The following SLC9A9 variants were observed in gnomAD, a reference collection of about 807,000 sequenced individuals.
The protein encoded by SLC9A9 is sodium/hydrogen exchanger 9.
SLC9A9 carries 62 observed loss-of-function variants against 77.8 expected under a neutral mutation model. That is an observed-to-expected ratio of 0.80 (90% CI 0.65 to 0.98). SLC9A9 has a LOEUF of 0.98. Ranked by LOEUF, SLC9A9 falls within the 50% of genes least tolerant of loss-of-function variation. SLC9A9 has a pLI of 0.00. For synonymous variants in SLC9A9, 320 were observed against 283.5 expected, an observed-to-expected ratio of 1.13 and a Z score of -1.29; for missense variants, 775 against 774.9, an observed-to-expected ratio of 1.00 and a Z score of 0.00.
intron 6 of SLC9A9, among the ~76,000 whole-genome samples, chr3:143,592,082 C>A: frequency 6.6e-6 from 1 of 152,104 alleles, no homozygotes. Flanking sequence ...GGTCCATGAC[C>A]CCCCAAAAGG....
intron 4 of SLC9A9, among the ~76,000 whole-genome samples, chr3:143,737,224 T>A (rs1934961435): frequency 1.3e-5 from 2 of 152,192 alleles, no homozygotes; most frequent in African/African-American, 4.8e-5. Flanking sequence ...TTAACTGGAA[T>A]TTTCTCTTTT....
At chr3:143,839,672 T>C (rs2009659740) in intron 1 of SLC9A9, among the ~76,000 whole-genome samples, 1 of 152,196 alleles carries the variant, frequency 6.6e-6, no homozygotes, top group East Asian at 1.9e-4. Flanking sequence ...CTGGGATTTC[T>C]AACAGTATAA....
chr3:143,655,411 G>A (rs2038871753), intron 5 of SLC9A9: 2 of 927,862 alleles, frequency 2.2e-6, no homozygotes, highest in Admixed American at 6.2e-5. Context: ...GACATCGTGT[G>A]GATAGGAAGG....
At chr3:143,331,250 G>C (rs1322010385) in intron 14 of SLC9A9, among the ~76,000 whole-genome samples, 1 of 152,218 alleles carries the variant, frequency 6.6e-6, no homozygotes, top group Non-Finnish European at 1.5e-5. Context: ...AGAGGGTTAT[G>C]AGGGGCTGGT....
At chr3:143,606,207 C>A (rs2037919098) in intron 6 of SLC9A9, among the ~76,000 whole-genome samples, 1 of 151,912 alleles carries the variant, frequency 6.6e-6, no homozygotes, top group African/African-American at 2.4e-5. Flanking sequence ...GAGTTCGATA[C>A]CAGCCTGGCC....
intron 4 of SLC9A9, among the ~76,000 whole-genome samples, chr3:143,790,442 A>G (rs928531083): frequency 2.6e-5 from 4 of 152,254 alleles, no homozygotes; most frequent in Non-Finnish European, 4.4e-5. Context: ...ATTTCTAGCC[A>G]TAATGATAAA....
intron 12 of SLC9A9, among the ~76,000 whole-genome samples, chr3:143,441,829 C>T (rs1043200360): frequency 7.0e-6 from 1 of 143,796 alleles, no homozygotes; most frequent in Non-Finnish European, 1.6e-5. Context: ...GTGTCATTTA[C>T]TCATTCATCC....
Position 143,376,801 on chromosome 3 carries a change from GTTTAT to G in SLC9A9, c.1524+5254_1524+5258del, listed in dbSNP as rs1330019071. Among the ~76,000 whole-genome samples the G allele has an allele frequency of 4.6e-5, 7 of 152,264 alleles. No individual in the cohort carries two copies. The East Asian group carries it at 1.4e-3, about 29-fold the overall frequency. Reference sequence around the variant, plus strand: ...AAACCCAAGATATTTTCTCTGAAATGTTTATTTTATTTTTCTCAAAATACCATTAG... The same window carrying G: ...AAACCCAAGATATTTTCTCTGAAATGTTTATTTTTCTCAAAATACCATTAG... On this transcript the variant is annotated intron_variant, in intron 13 of 15. Transcript: ENST00000316549.
intron 13 of SLC9A9, among the ~76,000 whole-genome samples, chr3:143,373,509 A>AC (rs2033103085): frequency 6.7e-6 from 1 of 150,268 alleles, no homozygotes; most frequent in Non-Finnish European, 1.5e-5. Context: ...CATGTATACC[A>AC]CTCCAGTGAT....
intron 2 of SLC9A9, among the ~76,000 whole-genome samples, chr3:143,814,740 C>G (rs2008960487): frequency 6.6e-6 from 1 of 152,146 alleles, no homozygotes; most frequent in African/African-American, 2.4e-5. Context: ...GAGAGAATGG[C>G]TGGGGAGGAG....
intron 12 of SLC9A9, among the ~76,000 whole-genome samples, chr3:143,434,812 G>A (rs957815182): frequency 6.6e-6 from 1 of 151,976 alleles, no homozygotes; most frequent in Non-Finnish European, 1.5e-5. Flanking sequence ...AGTCCCCATC[G>A]TCCTCCATTA....
At chr3:143,582,676 C>CA (rs1316328059) in intron 6 of SLC9A9, among the ~76,000 whole-genome samples, 1 of 152,226 alleles carries the variant, frequency 6.6e-6, no homozygotes, top group African/African-American at 2.4e-5. Flanking sequence ...GTATTTCATG[C>CA]AGCTCTTGGC....
At chr3:143,747,353 G>GA (rs1935218082) in intron 4 of SLC9A9, among the ~76,000 whole-genome samples, 1 of 148,782 alleles carries the variant, frequency 6.7e-6, no homozygotes, top group Admixed American at 6.7e-5. Flanking sequence ...GCAGTGAGCT[G>GA]AGGTTGCACC....
At chr3:143,779,617 C>T (rs2007808954) in intron 4 of SLC9A9, among the ~76,000 whole-genome samples, 1 of 152,156 alleles carries the variant, frequency 6.6e-6, no homozygotes, top group African/African-American at 2.4e-5. Flanking sequence ...GTGATCCATC[C>T]ACTTCGGCCT....
At chr3:143,268,808 A>G in intron 15 of SLC9A9, 67 bp downstream of exon 15, 1 of 1,266,802 alleles carries the variant, frequency 7.9e-7, no homozygotes, top group Non-Finnish European at 1.1e-6. Flanking sequence ...TCCTGGGCTC[A>G]TCGATATTCA....
At chr3:143,622,710 A>G (rs2038241240) in intron 6 of SLC9A9, among the ~76,000 whole-genome samples, 1 of 152,228 alleles carries the variant, frequency 6.6e-6, no homozygotes, top group South Asian at 2.1e-4. Flanking sequence ...GCATCAACTA[A>G]CAAGCAAAAT....
intron 4 of SLC9A9, among the ~76,000 whole-genome samples, chr3:143,752,516 T>C (rs2006766238): frequency 6.6e-6 from 1 of 151,994 alleles, no homozygotes. Context: ...GGGTGAACAT[T>C]GCAAGAAAGA....
intron 4 of SLC9A9, among the ~76,000 whole-genome samples, chr3:143,700,701 C>T (rs1423460560): frequency 6.6e-6 from 1 of 152,210 alleles, no homozygotes; most frequent in East Asian, 1.9e-4. Context: ...ACCTGGCTCC[C>T]ACACAGCACC....
chr3:143,726,251 G>GAAAAA (rs3055626), intron 4 of SLC9A9, among the ~76,000 whole-genome samples: 19 of 136,932 alleles, frequency 1.4e-4, no homozygotes, highest in Admixed American at 5.2e-4. Flanking sequence ...AATAAAAAAA[G>GAAAAA]AAAAAAAAAA....
Sources: gnomAD v4.1 joint callset for allele counts (sites outside exome capture counted in the v4.1 genomes callset) on GRCh38, gnomAD v4.1.1 for gene constraint, MANE v1.5 for transcripts, NCBI Gene and HGNC (gene_info 2026-07-23, HGNC 2026-07-21) for gene names.